Variants in ALDH9A1 observed in about 807,000 individuals in gnomAD.
ALDH9A1 encodes 4-trimethylaminobutyraldehyde dehydrogenase.
A neutral mutation model predicts 56.6 loss-of-function variants in ALDH9A1; 42 were observed. The ratio of observed to expected loss-of-function variants is 0.74; its 90% CI spans 0.58 to 0.96. The LOEUF is 0.96. ALDH9A1 is among the 40% of genes least tolerant of loss of function. ALDH9A1 has a pLI of 0.00. For missense variants in ALDH9A1, 661 were observed against 651.5 expected, an observed-to-expected ratio of 1.01 and a Z score of -0.16; for synonymous variants, 242 against 236.0, an observed-to-expected ratio of 1.03 and a Z score of -0.23.
At chr1:165,693,024 G>A (rs1223900946) in intron 2 of ALDH9A1, among the ~76,000 whole-genome samples, 3 of 151,814 alleles carry the variant, frequency 2.0e-5, no homozygotes, top group African/African-American at 4.8e-5. Context: ...GTAGAAAGCT[G>A]AAACTGGATC....
At chr1:165,691,278 C>T (rs909127570) in intron 2 of ALDH9A1, among the ~76,000 whole-genome samples, 1 of 152,188 alleles carries the variant, frequency 6.6e-6, no homozygotes, top group African/African-American at 2.4e-5. Flanking sequence ...CAAACTCCAA[C>T]AGACCTGCAG....
Position 165,668,951 on chromosome 1 carries a change from T to C in ALDH9A1, c.1182A>G (p.Gly394=). 2 of 1,609,732 alleles carry C rather than the reference T, an allele frequency of 1.2e-6. No homozygotes were observed. Among genetic ancestry groups the C allele is most frequent in the East Asian group, 2.2e-5 (1 of 44,834 alleles). Reference sequence around the variant, plus strand: ...TTAATACACAAGGTCTCATGTAATATCCATCCTTTAATTTGGGATCTTCAG... The same window carrying C: ...TTAATACACAAGGTCTCATGTAATACCCATCCTTTAATTTGGGATCTTCAG... ...YVPEDPKLKD[G]YYMRPCVLTN... is the part of the protein sequence containing the mutation. Residue 394 remains glycine, a synonymous_variant, in exon 8 of 11, where the codon GGA becomes GGG. Transcript: ENST00000354775.
chr1:165,668,375 A>T (rs1649070277), intron 8 of ALDH9A1, among the ~76,000 whole-genome samples: 1 of 152,102 alleles, frequency 6.6e-6, no homozygotes, highest in African/African-American at 2.4e-5. Context: ...TGTTTAAAAG[A>T]GCCTGGTGCC....
chr1:165,686,995 C>A (rs7546322), intron 2 of ALDH9A1, among the ~76,000 whole-genome samples: 1 of 151,812 alleles, frequency 6.6e-6, no homozygotes, highest in South Asian at 2.1e-4. Flanking sequence ...TTAAGGAGAG[C>A]CACAGAACAC....
intron 2 of ALDH9A1, among the ~76,000 whole-genome samples, chr1:165,694,316 T>C (rs1649993820): frequency 6.6e-6 from 1 of 152,040 alleles, no homozygotes; most frequent in East Asian, 1.9e-4. Flanking sequence ...AACCTTTTGT[T>C]TCCGTCAAGT....
rs113918679 is a variant in ALDH9A1, at chr1:165,690,543, G to A, written c.327+4709C>T. On this transcript the variant is annotated intron_variant, in intron 2 of 10. Transcript: ENST00000354775. ...TTTCTGCATTTCCAACAGAGGTACT[G>A]GGTTCATCTCATTAGGACTGGTTCA... Among the ~76,000 whole-genome samples the A allele has an allele frequency of 2.1e-3, 325 of 152,234 alleles. 4 individuals carry two copies. The highest frequency in any genetic ancestry group is 7.2e-3 in the African/African-American group (301 of 41,558).
At chr1:165,680,398 A>C in intron 5 of ALDH9A1, 89 bp downstream of exon 5, 3 of 1,402,996 alleles carry the variant, frequency 2.1e-6, no homozygotes, top group Non-Finnish European at 2.9e-6. Context: ...TAAAATCAAA[A>C]GAGAAGCCTC....
intron 6 of ALDH9A1, among the ~76,000 whole-genome samples, chr1:165,678,064 A>G (rs1348428107): frequency 2.0e-5 from 3 of 151,860 alleles, no homozygotes; most frequent in African/African-American, 7.3e-5. Flanking sequence ...GGCCGGGTAC[A>G]GTGGCTCACA....
Position 165,680,660 on chromosome 1 carries a change from A to C in ALDH9A1, c.616T>G (p.Ser206Ala). The C allele has an allele frequency of 6.2e-7, 1 of 1,612,698 alleles. No individual in the cohort carries two copies. The highest frequency in any genetic ancestry group is 1.3e-5 in the African/African-American group (1 of 74,926). ...ACGNAMVFKP[S>A]PFTPVSALLL... ...AATGCAGAAACAGGTGTAAAGGGAG[A>C]AGGTTTAAAGACCATGGCATTACCT... The change falls in exon 5 of 11, where the codon TCT becomes GCT. Residue 206 changes from serine (S) to alanine (A), a missense_variant. Transcript: ENST00000354775.
At chr1:165,664,055 TTA>T (rs1454128515) in intron 10 of ALDH9A1, among the ~76,000 whole-genome samples, 2 of 152,178 alleles carry the variant, frequency 1.3e-5, no homozygotes, top group African/African-American at 4.8e-5. Flanking sequence ...ACATGTAATG[TTA>T]TATGTTACAT....
At chr1:165,696,757 A>C (rs1482226718) in intron 1 of ALDH9A1, among the ~76,000 whole-genome samples, 4 of 152,222 alleles carry the variant, frequency 2.6e-5, no homozygotes, top group Non-Finnish European at 5.9e-5. Flanking sequence ...GACTCTTTCC[A>C]GGGAGATTTC....
intron 6 of ALDH9A1, chr1:165,676,789 G>C (rs938123616): frequency 2.1e-6 from 1 of 467,482 alleles, no homozygotes; most frequent in Non-Finnish European, 4.1e-6. Context: ...GGCATGATAG[G>C]TATAAAAAAA....
chr1:165,680,643 A>C lies in ALDH9A1; in HGVS notation c.633T>G (p.Val211=), dbSNP rs1238956317. ...MVFKPSPFTP[V]SALLLAEIYS... Reference sequence around the variant, plus strand: ...AGATTTCAGCCAGTAGCAATGCAGAAACAGGTGTAAAGGGAGAAGGTTTAA... The same window carrying C: ...AGATTTCAGCCAGTAGCAATGCAGACACAGGTGTAAAGGGAGAAGGTTTAA... The change falls in exon 5 of 11, where the codon GTT becomes GTG. Residue 211 remains valine, a synonymous_variant. Transcript: ENST00000354775. 1 of 1,613,972 alleles carries C rather than the reference A, an allele frequency of 6.2e-7. No individual in the cohort carries two copies. Among genetic ancestry groups the C allele is most frequent in the Non-Finnish European group, 8.5e-7 (1 of 1,179,944 alleles).
At chr1:165,688,232 G>A (rs958326706) in intron 2 of ALDH9A1, among the ~76,000 whole-genome samples, 2 of 152,264 alleles carry the variant, frequency 1.3e-5, no homozygotes, top group African/African-American at 4.8e-5. Context: ...TGGGAGGATC[G>A]TTTGAGCCCA....
intron 1 of ALDH9A1, 90 bp from the exon 2 acceptor site, chr1:165,695,487 CTTT>C (rs34894576): frequency 0.012 from 3,964 of 335,558 alleles, no homozygotes; most frequent in Non-Finnish European, 0.014. Flanking sequence ...TAGTAGTAGT[CTTT>C]TTTTTTTTTT....
At chr1:165,674,197 G>T (rs1317947742) in intron 6 of ALDH9A1, among the ~76,000 whole-genome samples, 1 of 150,910 alleles carries the variant, frequency 6.6e-6, no homozygotes, top group Non-Finnish European at 1.5e-5. Flanking sequence ...CCCACCCCTT[G>T]TTTAGCATAC....
intron 1 of ALDH9A1, among the ~76,000 whole-genome samples, chr1:165,697,923 G>A (rs1650142582): frequency 6.6e-6 from 1 of 152,148 alleles, no homozygotes; most frequent in Admixed American, 6.5e-5. Context: ...CAGCTACCAG[G>A]GAGGCTGAGG....
intron 8 of ALDH9A1, among the ~76,000 whole-genome samples, chr1:165,668,347 A>C (rs1471060329): frequency 6.6e-6 from 1 of 152,082 alleles, no homozygotes; most frequent in Admixed American, 6.5e-5. Flanking sequence ...TCACTCTGTG[A>C]GTTCACACAG....
In ALDH9A1 at chr1:165,680,568, C is replaced by A. The variant is rs1558007820; in HGVS notation, c.708G>T (p.Gly236=). The change falls in exon 5 of 11, where the codon GGG becomes GGT. Residue 236 remains glycine, a synonymous_variant. Coordinates refer to ENST00000354775, the MANE Select transcript of ALDH9A1 (RefSeq NM_000696.4). ...GACACAGAAACTGGCCTGTGGCAGC[C>A]CCTCCCTGCACCACATTGAAGAGCC... ...PPGLFNVVQG[G]AATGQFLCQH... is the part of the protein sequence containing the mutation. 6.2e-7 allele frequency: 1 copy of A among 1,614,126 alleles called. No individual in the cohort carries two copies.
Sources: allele counts gnomAD v4.1 joint callset (sites outside exome capture counted in the v4.1 genomes callset), GRCh38; gene constraint gnomAD v4.1.1; transcripts MANE v1.5; gene names NCBI Gene and HGNC (gene_info 2026-07-23, HGNC 2026-07-21).